The following SPSB1 variants were observed in gnomAD, a reference collection of about 807,000 sequenced individuals.
SPSB1 encodes the protein SPRY domain-containing SOCS box protein 1.
A neutral mutation model predicts 21.2 loss-of-function variants in SPSB1; 8 were observed. That is an observed-to-expected ratio of 0.38 (90% confidence interval 0.22 to 0.68). SPSB1 has a LOEUF of 0.68. Among genes scored for constraint, SPSB1 ranks in the 30% least tolerant of loss-of-function variants. The pLI is 0.53. For missense variants in SPSB1, 242 were observed against 377.8 expected, an observed-to-expected ratio of 0.64 and a Z score of 2.98; for synonymous variants, 169 against 161.7, an observed-to-expected ratio of 1.05 and a Z score of -0.34.
At chr1:9,343,737 A>G (rs1218345534) in intron 1 of SPSB1, among the ~76,000 whole-genome samples, 1 of 151,766 alleles carries the variant, frequency 6.6e-6, no homozygotes, top group African/African-American at 2.4e-5. Context: ...GACATGGGAA[A>G]CCTTTTCCCT....
chr1:9,360,304 T>C (rs1378778829), intron 2 of SPSB1, among the ~76,000 whole-genome samples: 1 of 152,158 alleles, frequency 6.6e-6, no homozygotes, highest in African/African-American at 2.4e-5. Context: ...GTCAAGTACA[T>C]GGACGGCTGA....
intron 1 of SPSB1, among the ~76,000 whole-genome samples, chr1:9,302,946 G>C (rs1363586003): frequency 6.6e-6 from 1 of 152,182 alleles, no homozygotes; most frequent in Non-Finnish European, 1.5e-5. Context: ...ATGCTCTGCT[G>C]GCCTGGAGGT....
At chr1:9,331,419 C>T (rs143052261) in intron 1 of SPSB1, among the ~76,000 whole-genome samples, 1,869 of 148,522 alleles carry the variant, frequency 0.013, 36 homozygotes, top group African/African-American at 0.045. Flanking sequence ...TAACCTCTGC[C>T]TCCTGGGTTC....
chr1:9,343,443 G>A (rs1482952890), intron 1 of SPSB1, among the ~76,000 whole-genome samples: 1 of 152,192 alleles, frequency 6.6e-6, no homozygotes, highest in African/African-American at 2.4e-5. Context: ...AGTACTTTAT[G>A]CCTTTTTATG....
At position 9,321,548 on chromosome 1, in the gene SPSB1, G is replaced by C. The variant is rs1260954120; in HGVS notation, c.-150+28477G>C. ...AGGATTCAGCTCAGAACGGGGAAGAGGGTGTTTGAGAGACTGATGAGTCAG... is the reference window on the plus strand; with the variant it reads ...AGGATTCAGCTCAGAACGGGGAAGACGGTGTTTGAGAGACTGATGAGTCAG... On this transcript the variant is annotated intron_variant, in intron 1 of 2. Coordinates refer to ENST00000328089, the MANE Select transcript of SPSB1 (RefSeq NM_025106.4). The surrounding 1 kb of genome is among the most constrained non-coding windows in gnomAD (Gnocchi z 4.8). Among the ~76,000 whole-genome samples the C allele has an allele frequency of 2.0e-5, 3 of 152,208 alleles. No homozygotes were observed. The highest frequency in any genetic ancestry group is 7.2e-5 in the African/African-American group (3 of 41,440).
chr1:9,314,290 G>GC (rs1234571441), intron 1 of SPSB1, among the ~76,000 whole-genome samples: 2 of 151,882 alleles, frequency 1.3e-5, no homozygotes, highest in African/African-American at 2.4e-5. Flanking sequence ...ATCTGGCCAT[G>GC]CCCCACTGAA....
In SPSB1 at chr1:9,359,613, A is replaced by C. The variant is rs574152415; in HGVS notation, c.694+3028A>C. Reference sequence around the variant, plus strand: ...GCTACTTGGGAGGCTGAGGCAGGAGAATTGCTTGAACCCGGGAGGTGGAGG... The same window carrying C: ...GCTACTTGGGAGGCTGAGGCAGGAGCATTGCTTGAACCCGGGAGGTGGAGG... On this transcript the variant is annotated intron_variant, in intron 2 of 2. Coordinates refer to ENST00000328089, the MANE Select transcript of SPSB1 (RefSeq NM_025106.4). 1.8e-3 allele frequency among the ~76,000 whole-genome samples: 272 copies of C among 151,082 alleles called. 1 individual carries two copies. The highest frequency in any genetic ancestry group is 6.3e-3 in the African/African-American group (261 of 41,148).
intron 1 of SPSB1, among the ~76,000 whole-genome samples, chr1:9,326,976 G>A (rs751620227): frequency 1.6e-4 from 24 of 152,126 alleles, no homozygotes; most frequent in Non-Finnish European, 3.1e-4. Context: ...CCAGATTGGA[G>A]AGGCACCTGG....
At chr1:9,354,983 C>T (rs1399491393) in intron 1 of SPSB1, among the ~76,000 whole-genome samples, 1 of 152,138 alleles carries the variant, frequency 6.6e-6, no homozygotes, top group Admixed American at 6.5e-5. Context: ...GCTGTTGAGA[C>T]CCAGAGGGCG....
chr1:9,299,175 C>T (rs986228328), intron 1 of SPSB1, among the ~76,000 whole-genome samples: 4 of 152,252 alleles, frequency 2.6e-5, no homozygotes, highest in South Asian at 2.1e-4. Flanking sequence ...GTTGATCTGA[C>T]GAATGCCCTT....
intron 1 of SPSB1, among the ~76,000 whole-genome samples, chr1:9,355,118 T>C (rs1640341159): frequency 6.6e-6 from 1 of 152,250 alleles, no homozygotes; most frequent in Non-Finnish European, 1.5e-5. Flanking sequence ...GAGAAGAATG[T>C]AGCTGGCGGA....
In SPSB1 at chr1:9,321,138, A is replaced by C. The variant is rs969098262; in HGVS notation, c.-150+28067A>C. On this transcript the variant is annotated intron_variant, in intron 1 of 2. Coordinates refer to ENST00000328089, the MANE Select transcript of SPSB1 (RefSeq NM_025106.4). This position sits in a 1 kb window ranked among gnomAD's most constrained non-coding sequence, Gnocchi z 4.8. ...TCCCCCGAAAAGAAAACAACAACCAAAAAATCCCCCCAAAACACAAAGCTG... is the reference window on the plus strand; with the variant it reads ...TCCCCCGAAAAGAAAACAACAACCACAAAATCCCCCCAAAACACAAAGCTG... Among the ~76,000 whole-genome samples the C allele has an allele frequency of 6.6e-6, 1 of 151,166 alleles. No individual in the cohort carries two copies. The highest frequency in any genetic ancestry group is 2.4e-5 in the African/African-American group (1 of 41,136).
intron 1 of SPSB1, among the ~76,000 whole-genome samples, chr1:9,323,301 C>T (rs995949761): frequency 5.9e-5 from 9 of 152,200 alleles, no homozygotes; most frequent in African/African-American, 2.2e-4. Context: ...TCCACTGGGC[C>T]CCTCTCTGGC....
chr1:9,330,328 G>T (rs755253853), intron 1 of SPSB1, among the ~76,000 whole-genome samples: 3 of 152,170 alleles, frequency 2.0e-5, no homozygotes, highest in African/African-American at 7.2e-5. Flanking sequence ...TACAAAATTA[G>T]TCGGGCGTGG....
intron 2 of SPSB1, among the ~76,000 whole-genome samples, chr1:9,358,347 C>T (rs555997443): frequency 3.9e-5 from 6 of 152,148 alleles, no homozygotes; most frequent in East Asian, 1.9e-4. Context: ...TGCAGCCTGG[C>T]GCCCCCAGGT....
intron 1 of SPSB1, among the ~76,000 whole-genome samples, chr1:9,301,937 TTCC>T (rs1639337291): frequency 1.3e-5 from 2 of 152,230 alleles, no homozygotes; most frequent in African/African-American, 4.8e-5. Flanking sequence ...CAGATTCGTC[TTCC>T]CTGCACACAG....
At chr1:9,365,402 C>T (rs1258002010) in intron 2 of SPSB1, among the ~76,000 whole-genome samples, 1 of 152,194 alleles carries the variant, frequency 6.6e-6, no homozygotes, top group Non-Finnish European at 1.5e-5. Context: ...CAGGTATGAG[C>T]CACTGTGCCT....
rs140089434 is a variant in SPSB1 at position 9,306,682 on chromosome 1, A to T, written c.-150+13611A>T. On this transcript the variant is annotated intron_variant, in intron 1 of 2. Coordinates refer to ENST00000328089, the MANE Select transcript of SPSB1 (RefSeq NM_025106.4). ...CTTACTCTTCAGCACCATTTGCCAC[A>T]AAAGAGGAGCGAGGAAGAAATGAGC... 6.0e-3 allele frequency among the ~76,000 whole-genome samples: 920 copies of T among 152,272 alleles called. 6 individuals carry two copies. Among genetic ancestry groups the T allele is most frequent in the African/African-American group, 0.021 (880 of 41,556 alleles).
Position 9,355,594 on chromosome 1 carries a change from G to A in SPSB1, c.-149-149G>A, listed in dbSNP as rs371018916. On this transcript the variant is annotated intron_variant, in intron 1 of 2. Transcript: ENST00000328089. ...CAGGGAACGGGGGATTTCATTCTGCGCCAAGGCTCCAGCCTGCCCGTGTCA... is the reference window on the plus strand; with the variant it reads ...CAGGGAACGGGGGATTTCATTCTGCACCAAGGCTCCAGCCTGCCCGTGTCA... 8 of 885,950 alleles carry A rather than the reference G, an allele frequency of 9.0e-6. No homozygotes were observed. In the African/African-American group the frequency reaches 1.2e-4, roughly 14 times the overall value. 54.9% of individuals were successfully genotyped at this position (885,950 alleles called of 1,614,324 possible).
Sources: allele counts gnomAD v4.1 joint callset (sites outside exome capture counted in the v4.1 genomes callset), GRCh38; gene constraint gnomAD v4.1.1; non-coding constraint Gnocchi (gnomAD v3.1); transcripts MANE v1.5; gene names NCBI Gene and HGNC (gene_info 2026-07-23, HGNC 2026-07-21).